The following RAB11FIP1 variants were observed in gnomAD, a reference collection of about 807,000 sequenced individuals.
RAB11FIP1 encodes the protein RAB11 family interacting protein 1.
A neutral mutation model predicts 83.1 loss-of-function variants in RAB11FIP1; 49 were observed. That is an observed-to-expected ratio of 0.59 (90% confidence interval 0.47 to 0.75). The LOEUF (loss-of-function observed/expected upper bound fraction) is 0.75. RAB11FIP1 is among the 30% of genes least tolerant of loss of function. The pLI, the probability that RAB11FIP1 is intolerant of heterozygous loss-of-function variation, is 0.00. For synonymous variants in RAB11FIP1, 670 were observed against 656.0 expected (o/e 1.02, Z -0.33); for missense variants, 1,536 against 1,598.7 (o/e 0.96, Z 0.67).
Position 37,860,338 on chromosome 8 carries a change from C to T in RAB11FIP1, c.*2557G>A, listed in dbSNP as rs745959040. 6.6e-6 allele frequency: 1 copy of T among 152,548 alleles called. No individual in the cohort carries two copies. The allele number at this position is 152,548 out of a possible 1,614,324, so 9.4% of individuals were successfully genotyped here. On this transcript the variant is annotated 3_prime_UTR_variant, in exon 6 of 6. Coordinates refer to ENST00000330843, the MANE Select transcript of RAB11FIP1 (RefSeq NM_001002814.3). ...AATGCAGGACAAATATATACATGTA[C>T]CTTTTCTTTCTTTCTTTTTTTTGAG...
At chr8:37,878,327 G>A (rs1453908929) in intron 1 of RAB11FIP1, among the ~76,000 whole-genome samples, 4 of 151,644 alleles carry the variant, frequency 2.6e-5, no homozygotes, top group Non-Finnish European at 4.4e-5. Flanking sequence ...AAGGTCAGGA[G>A]TTCGAGACCA....
Position 37,874,937 on chromosome 8 carries a change from A to G in RAB11FIP1, c.1200T>C (p.Pro400=). 6.2e-7 allele frequency: 1 copy of G among 1,614,108 alleles called. No homozygotes were observed. The highest frequency in any genetic ancestry group is 1.3e-5 in the African/African-American group (1 of 75,018). Residue 400 remains proline, a synonymous_variant, in exon 3 of 6, where the codon CCT becomes CCC. Transcript: ENST00000330843. ...LKSMTLPSYR[P]APLVSGDLRE... ...TGAGGTCCCCACTGACCAGTGGGGC[A>G]GGTCGGTAGGACGGCAGGGTCATAG... is the stretch of plus-strand genomic sequence containing the variant.
chr8:37,872,857 A>T lies in RAB11FIP1; in HGVS notation c.1945T>A (p.Ser649Thr). ...ESLTPVPNSG[S>T]SALGSLFKQP... is the part of the protein sequence containing the mutation. Reference sequence around the variant, plus strand: ...TTGAAAAGTGATCCCAGGGCAGAAGAACCAGAATTTGGAACCGGTGTTAAA... The same window carrying T: ...TTGAAAAGTGATCCCAGGGCAGAAGTACCAGAATTTGGAACCGGTGTTAAA... Residue 649 changes from serine (S) to threonine (T), a missense_variant, in exon 4 of 6, where the codon TCT becomes ACT. Physicochemically the swap from Ser to Thr is moderately conservative, Grantham distance 58. Coordinates refer to ENST00000330843, the MANE Select transcript of RAB11FIP1 (RefSeq NM_001002814.3). 6.2e-7 allele frequency: 1 copy of T among 1,614,202 alleles called. No homozygotes were observed. Among genetic ancestry groups the T allele is most frequent in the Non-Finnish European group, 8.5e-7 (1 of 1,180,030 alleles).
rs1806320220 is a variant in RAB11FIP1, at chr8:37,865,307, C to T, written c.3634-2194G>A. 2.1e-5 allele frequency among the ~76,000 whole-genome samples: 3 copies of T among 140,066 alleles called. No homozygotes were observed. The South Asian group carries it at 6.8e-4, about 32-fold the overall frequency. 91.9% of individuals were successfully genotyped at this position (140,066 alleles called of 152,430 possible). Reference sequence around the variant, plus strand: ...TAACATTTGGGTCTCTTTATTTTTCCTGGGATTCTTTTTTTTTTTTTTCTT... The same window carrying T: ...TAACATTTGGGTCTCTTTATTTTTCTTGGGATTCTTTTTTTTTTTTTTCTT... On this transcript the variant is annotated intron_variant, in intron 5 of 5. Coordinates refer to ENST00000330843, the MANE Select transcript of RAB11FIP1 (RefSeq NM_001002814.3).
chr8:37,882,275 G>A (rs1057348263), intron 1 of RAB11FIP1, among the ~76,000 whole-genome samples: 1 of 152,152 alleles, frequency 6.6e-6, no homozygotes, highest in Non-Finnish European at 1.5e-5. Flanking sequence ...GACTTGCTGC[G>A]CTGCATTCCC....
intron 2 of RAB11FIP1, among the ~76,000 whole-genome samples, chr8:37,876,589 C>T (rs906352446): frequency 6.6e-6 from 1 of 151,354 alleles, no homozygotes. Context: ...TAGAGCAAGA[C>T]CCTGTCTCTA....
intron 4 of RAB11FIP1, 108 bp downstream of exon 4, chr8:37,871,170 G>C (rs890621648): frequency 1.3e-5 from 19 of 1,409,740 alleles, no homozygotes; most frequent in Non-Finnish European, 1.8e-5. Flanking sequence ...GTGACAGGTG[G>C]GTTGTCACAT....
In RAB11FIP1 at chr8:37,860,352, CT is replaced by C. The variant is rs1303411588; in HGVS notation, c.*2542del. ...ATATACATGTACCTTTTCTTTCTTT[CT>C]TTTTTTTGAGACAGAGTCTCGCCCG... On this transcript the variant is annotated 3_prime_UTR_variant, in exon 6 of 6. Coordinates refer to ENST00000330843, the MANE Select transcript of RAB11FIP1 (RefSeq NM_001002814.3). 2 of 152,350 alleles carry C rather than the reference CT, an allele frequency of 1.3e-5. No individual in the cohort carries two copies. The highest frequency in any genetic ancestry group is 2.9e-5 in the Non-Finnish European group (2 of 68,126). 9.4% of individuals were successfully genotyped at this position (152,350 alleles called of 1,614,324 possible).
intron 1 of RAB11FIP1, among the ~76,000 whole-genome samples, chr8:37,878,470 GT>G (rs1280687361): frequency 1.4e-5 from 2 of 144,234 alleles, no homozygotes; most frequent in Non-Finnish European, 3.0e-5. Context: ...GGAGGCAGAC[GT>G]TGCAGTGAGC....
chr8:37,865,665 A>G (rs953320423), intron 5 of RAB11FIP1, among the ~76,000 whole-genome samples: 2 of 152,220 alleles, frequency 1.3e-5, no homozygotes, highest in African/African-American at 2.4e-5. Context: ...AGCCTCATAC[A>G]AAATAATAGT....
At chr8:37,877,790 GC>G (rs372585729) in intron 1 of RAB11FIP1, 1 of 382,672 alleles carries the variant, frequency 2.6e-6, no homozygotes, top group Non-Finnish European at 4.6e-6. Context: ...CACCATCTCG[GC>G]TCACTGCAGC....
chr8:37,889,265 A>G (rs1806898909), intron 1 of RAB11FIP1, among the ~76,000 whole-genome samples: 1 of 152,174 alleles, frequency 6.6e-6, no homozygotes, highest in Admixed American at 6.5e-5. Context: ...GTGGAGAGCA[A>G]TACTAAATTT....
intron 5 of RAB11FIP1, among the ~76,000 whole-genome samples, chr8:37,868,113 C>A (rs1471602287): frequency 6.6e-6 from 1 of 152,100 alleles, no homozygotes; most frequent in Non-Finnish European, 1.5e-5. Context: ...TAGAGCAAGA[C>A]CCCATCTCCA....
rs753361703 is a variant in RAB11FIP1 at position 37,899,429 on chromosome 8, C to T, written c.13G>A (p.Val5Ile). The T allele has an allele frequency of 6.4e-7, 1 of 1,564,160 alleles. No individual in the cohort carries two copies. Among genetic ancestry groups the T allele is most frequent in the Admixed American group, 1.9e-5 (1 of 52,244 alleles). Residue 5 changes from valine (V) to isoleucine (I), a missense_variant, in exon 1 of 6, where the codon GTC becomes ATC. Physicochemically the swap from Val to Ile is conservative, Grantham distance 29. Transcript: ENST00000330843. The surrounding 1 kb of genome is among the most constrained non-coding windows in gnomAD (Gnocchi z 4.5). ...GCCCCCAGGCCCCGGCCAGCCGAGA[C>T]CATTAGGGACATGGTGACGATAACA... MSLM[V>I]SAGRGLGAVW... is the part of the protein sequence containing the mutation.
At chr8:37,867,268 G>T (rs969019141) in intron 5 of RAB11FIP1, among the ~76,000 whole-genome samples, 7 of 152,190 alleles carry the variant, frequency 4.6e-5, no homozygotes, top group African/African-American at 1.2e-4. Context: ...TCATCTATCT[G>T]CAACACACAG....
chr8:37,866,694 C>G (rs1806348114), intron 5 of RAB11FIP1, among the ~76,000 whole-genome samples: 1 of 151,302 alleles, frequency 6.6e-6, no homozygotes, highest in Non-Finnish European at 1.5e-5. Flanking sequence ...AAAAAAAACA[C>G]TGTAGTAATG....
chr8:37,864,461 C>G (rs1390129374), intron 5 of RAB11FIP1, among the ~76,000 whole-genome samples: 1 of 152,194 alleles, frequency 6.6e-6, no homozygotes, highest in African/African-American at 2.4e-5. Context: ...CCCTGAGGGT[C>G]TAACGGTTTC....
chr8:37,899,176 T>A lies in RAB11FIP1; in HGVS notation c.266A>T (p.Gln89Leu). Residue 89 changes from glutamine to leucine, a missense_variant, in exon 1 of 6, where the codon CAG becomes CTG. Physicochemically the swap from Gln to Leu is moderately radical, Grantham distance 113. Transcript: ENST00000330843. This position sits in a 1 kb window ranked among gnomAD's most constrained non-coding sequence, Gnocchi z 4.5. ...SSGPAAAATL[Q>L]LTVLHRALLG... ...CAGCGCGCGGTGCAGCACGGTGAGC[T>A]GCAGGGTGGCGGCGGCCGCGGGTCC... The A allele has an allele frequency of 6.4e-7, 1 of 1,560,624 alleles. No homozygotes were observed. Among genetic ancestry groups the A allele is most frequent in the Non-Finnish European group, 8.6e-7 (1 of 1,161,526 alleles).
Position 37,872,694 on chromosome 8 carries a change from TCTTGTCGCC to T in RAB11FIP1, c.2099_2107del (p.Gly700_Gln702del). 1 of 1,614,238 alleles carries T rather than the reference TCTTGTCGCC, an allele frequency of 6.2e-7. No individual in the cohort carries two copies. The highest frequency in any genetic ancestry group is 8.5e-7 in the Non-Finnish European group (1 of 1,180,042). On this transcript the variant is annotated inframe_deletion, in exon 4 of 6. Coordinates refer to ENST00000330843, the MANE Select transcript of RAB11FIP1 (RefSeq NM_001002814.3). ...GCAGGGGAATCTCGGAAGTTCTTCC[TCTTGTCGCC>T]CTGTTTCAGGCTGCTCTGGGAGAGA...
Sources: gnomAD v4.1 joint callset for allele counts (sites outside exome capture counted in the v4.1 genomes callset) on GRCh38, gnomAD v4.1.1 for gene constraint, Gnocchi (gnomAD v3.1) non-coding constraint, MANE v1.5 for transcripts, NCBI Gene and HGNC (gene_info 2026-07-23, HGNC 2026-07-21) for gene names.